Variants in C1QTNF1 observed in about 807,000 individuals in gnomAD.
C1QTNF1 encodes the protein complement C1q tumor necrosis factor-related protein 1.
A neutral mutation model predicts 27.8 loss-of-function variants in C1QTNF1; 22 were observed. That is an observed-to-expected ratio of 0.79 (90% CI 0.56 to 1.13). The LOEUF (loss-of-function observed/expected upper bound fraction) is 1.13. Among genes scored for constraint, C1QTNF1 ranks in the 50% most tolerant of loss-of-function variants. The pLI is 0.00. For missense variants in C1QTNF1, 373 were observed against 380.2 expected (o/e 0.98, Z 0.16); for synonymous variants, 166 against 154.3 (o/e 1.08, Z -0.56).
upstream of C1QTNF1, among the ~76,000 whole-genome samples, chr17:79,023,704 G>GCGCACACACACACA (rs1267428917): frequency 3.6e-4 from 52 of 145,028 alleles, no homozygotes; most frequent in African/African-American, 1.3e-3. Flanking sequence ...GCGCGCGCGC[G>GCGCACACACACACA]CACACACACA....
intron 1 of C1QTNF1, chr17:79,043,180 T>C: frequency 4.5e-6 from 2 of 448,320 alleles, no homozygotes; most frequent in Admixed American, 4.7e-5. Context: ...TGTGTGTGAG[T>C]GCATGTAAAA....
chr17:79,045,201 CT>C (rs2072536276), intron 2 of C1QTNF1, among the ~76,000 whole-genome samples: 2 of 152,110 alleles, frequency 1.3e-5, no homozygotes, highest in African/African-American at 4.8e-5. Flanking sequence ...GAGGGGAAAG[CT>C]ACCTGGTAGC....
At chr17:79,045,495 G>A (rs1034856895) in intron 2 of C1QTNF1, among the ~76,000 whole-genome samples, 2 of 152,212 alleles carry the variant, frequency 1.3e-5, no homozygotes, top group Non-Finnish European at 2.9e-5. Context: ...CCAAGTGAGA[G>A]TCGAAATGGC....
rs889119157 is a variant in C1QTNF1, at chr17:79,024,435, G to A, written c.-74G>A. The A allele has an allele frequency of 1.3e-5, 2 of 152,570 alleles. No homozygotes were observed. Among genetic ancestry groups the A allele is most frequent in the African/African-American group, 4.8e-5 (2 of 41,470 alleles). The allele number at this position is 152,570 out of a possible 1,614,324, so 9.5% of individuals were successfully genotyped here. A position where few individuals can be genotyped will look rare whatever the true frequency, so the allele number is the denominator to read the frequency against. On this transcript the variant is annotated 5_prime_UTR_variant, in exon 1 of 4. Coordinates refer to ENST00000579760, the MANE Select transcript of C1QTNF1 (RefSeq NM_030968.5). ...ATCGCCCCGGACCTGGCCGGGAGGAGGCTTGGCCGGCGGGAGATGCTCTAG... is the reference window on the plus strand; with the variant it reads ...ATCGCCCCGGACCTGGCCGGGAGGAAGCTTGGCCGGCGGGAGATGCTCTAG...
chr17:79,041,461 G>A (rs552516075), intron 1 of C1QTNF1, among the ~76,000 whole-genome samples: 1 of 152,280 alleles, frequency 6.6e-6, no homozygotes, highest in Non-Finnish European at 1.5e-5. Flanking sequence ...GGGCTCTGCG[G>A]GGAGCCCTTC....
chr17:79,044,184 C>T (rs2072505990), intron 2 of C1QTNF1, 61 bp downstream of exon 2: 2 of 1,477,104 alleles, frequency 1.4e-6, no homozygotes, highest in Non-Finnish European at 1.8e-6. Context: ...GAGCCTGGGC[C>T]TTGGGGCCCC....
rs751078464 is a variant in C1QTNF1 at position 79,044,011 on chromosome 17, C to T, written c.43C>T (p.Leu15Phe). The change falls in exon 2 of 4, where the codon CTC becomes TTC. Residue 15 changes from leucine (L) to phenylalanine (F), a missense_variant. Leu to Phe is a conservative substitution (Grantham distance 22, BLOSUM62 0). Coordinates refer to ENST00000579760, the MANE Select transcript of C1QTNF1 (RefSeq NM_030968.5). The stretch of plus-strand genomic sequence containing the variant: ...GGGACTCTTGCTGGCGTACTGCCTG[C>T]TCCTTGCCTTTGCCTCTGGCCTGGT... ...GQGLLLAYCL[L>F]LAFASGLVLS... 7.4e-6 allele frequency: 12 copies of T among 1,614,106 alleles called. No individual in the cohort carries two copies. The highest frequency in any genetic ancestry group is 5.0e-5 in the Admixed American group (3 of 60,018).
intron 1 of C1QTNF1, among the ~76,000 whole-genome samples, chr17:79,038,348 G>A (rs2072315539): frequency 6.6e-6 from 1 of 152,180 alleles, no homozygotes. Context: ...TCTACGTCCT[G>A]CGTGTAGCCT....
At chr17:79,025,171 C>T (rs2071905436) in intron 1 of C1QTNF1, 1 of 152,476 alleles carries the variant, frequency 6.6e-6, no homozygotes, top group African/African-American at 2.4e-5. Context: ...CTCTGAGCCG[C>T]CCTGGGGCTT....
chr17:79,043,202 T>C (rs992164278), intron 1 of C1QTNF1: 8 of 452,086 alleles, frequency 1.8e-5, no homozygotes, highest in Admixed American at 1.6e-4. Flanking sequence ...TGTGCATGTG[T>C]GTGGATTGCA....
chr17:79,023,704 G>GCGCGCGCACACACACACACACACACA (rs1267428917), upstream of C1QTNF1, among the ~76,000 whole-genome samples: 2 of 144,936 alleles, frequency 1.4e-5, no homozygotes, highest in African/African-American at 2.6e-5. Flanking sequence ...GCGCGCGCGC[G>GCGCGCGCACACACACACACACACACA]CACACACACA....
Position 79,046,308 on chromosome 17 carries a change from G to A in C1QTNF1, c.156-247G>A, listed in dbSNP as rs1462980585. 6.6e-6 allele frequency among the ~76,000 whole-genome samples: 1 copy of A among 152,206 alleles called. No individual in the cohort carries two copies. Among genetic ancestry groups the A allele is most frequent in the Non-Finnish European group, 1.5e-5 (1 of 68,022 alleles). On this transcript the variant is annotated intron_variant, in intron 2 of 3. Transcript: ENST00000579760. This position sits in a 1 kb window ranked among gnomAD's most constrained non-coding sequence, Gnocchi z 4.8. ...TCCCGAGCAGCCCCCATCTTGCGTGGCACTCAATTGATCGCTGCGTGTGTT... is the reference window on the plus strand; with the variant it reads ...TCCCGAGCAGCCCCCATCTTGCGTGACACTCAATTGATCGCTGCGTGTGTT...
In C1QTNF1 at chr17:79,049,411, G is replaced by A. The variant is rs1264280941; in HGVS notation, c.*1323G>A. 6.6e-6 allele frequency: 1 copy of A among 152,308 alleles called. No individual in the cohort carries two copies. Among genetic ancestry groups the A allele is most frequent in the African/African-American group, 2.4e-5 (1 of 41,436 alleles). The allele number at this position is 152,308 out of a possible 1,614,324, so 9.4% of individuals were successfully genotyped here. Reference sequence around the variant, plus strand: ...GCAATTGCAGGACCAGCTGGAGCAGGGTTGCGGTGTCTCCACGGTGCTCTC... The same window carrying A: ...GCAATTGCAGGACCAGCTGGAGCAGAGTTGCGGTGTCTCCACGGTGCTCTC... On this transcript the variant is annotated 3_prime_UTR_variant, in exon 4 of 4. Transcript: ENST00000579760. The surrounding 1 kb of genome is among the most constrained non-coding windows in gnomAD (Gnocchi z 4.4).
At chr17:79,027,106 C>G (rs2071989718) in intron 1 of C1QTNF1, among the ~76,000 whole-genome samples, 1 of 151,422 alleles carries the variant, frequency 6.6e-6, no homozygotes, top group Non-Finnish European at 1.5e-5. Flanking sequence ...GCTGAGGCTC[C>G]AGAACCTTAG....
At chr17:79,043,701 G>A (rs191793199) in intron 1 of C1QTNF1, 3 of 603,002 alleles carry the variant, frequency 5.0e-6, no homozygotes, top group Admixed American at 4.3e-5. Context: ...TGCATGTGTG[G>A]GGGTTGCATG....
At chr17:79,036,680 G>C (rs913928893) in intron 1 of C1QTNF1, among the ~76,000 whole-genome samples, 1 of 152,166 alleles carries the variant, frequency 6.6e-6, no homozygotes, top group Non-Finnish European at 1.5e-5. Context: ...AATTGGGTAC[G>C]TGTCTGTTTC....
chr17:79,036,371 C>T (rs1010981342), intron 1 of C1QTNF1, among the ~76,000 whole-genome samples: 4 of 152,014 alleles, frequency 2.6e-5, no homozygotes, highest in Admixed American at 1.3e-4. Context: ...GATGGGGTCT[C>T]GATATATTGC....
intron 1 of C1QTNF1, among the ~76,000 whole-genome samples, chr17:79,032,743 G>C (rs1018452702): frequency 2.0e-5 from 3 of 152,146 alleles, no homozygotes; most frequent in Non-Finnish European, 4.4e-5. Flanking sequence ...CGGGGGAGAA[G>C]GATATGAGTT....
At chr17:79,047,224 C>CT (rs2072602633) in intron 3 of C1QTNF1, 23 of 330,090 alleles carry the variant, frequency 7.0e-5, no homozygotes, top group East Asian at 1.4e-4. Context: ...GTTCCATTTT[C>CT]TTTTTTTTCT....
Sources: allele counts gnomAD v4.1 joint callset (sites outside exome capture counted in the v4.1 genomes callset), GRCh38; gene constraint gnomAD v4.1.1; non-coding constraint Gnocchi (gnomAD v3.1); transcripts MANE v1.5; gene names NCBI Gene and HGNC (gene_info 2026-07-23, HGNC 2026-07-21).